The following SEMA5B variants were observed in gnomAD, a reference collection of about 807,000 sequenced individuals.
SEMA5B encodes semaphorin-5B.
Under a neutral mutation model 135.0 loss-of-function variants are expected in SEMA5B, and 66 were observed. That is an observed-to-expected ratio of 0.49 (90% CI 0.40 to 0.60). The LOEUF (loss-of-function observed/expected upper bound fraction) is 0.60. Ranked by LOEUF, SEMA5B falls within the 20% of genes least tolerant of loss-of-function variation. The pLI is 0.00. For synonymous variants in SEMA5B, 690 were observed against 639.5 expected, an observed-to-expected ratio of 1.08 and a Z score of -1.19; for missense variants, 1,501 against 1,566.3, an observed-to-expected ratio of 0.96 and a Z score of 0.70.
chr3:122,913,436 G>T lies in SEMA5B; in HGVS notation c.2281-12C>A. 1 of 1,559,828 alleles carries T rather than the reference G, an allele frequency of 6.4e-7. No homozygotes were observed. Among genetic ancestry groups the T allele is most frequent in the Non-Finnish European group, 8.6e-7 (1 of 1,156,534 alleles). ...CACGTCTTGAACTCCTGCGGGTGGC[G>T]GCAGAGGCAGCTTTAGAACCCCACG... On this transcript the variant is annotated splice_polypyrimidine_tract_variant and intron_variant, in intron 16 of 22. Coordinates refer to ENST00000357599, the MANE Select transcript of SEMA5B (RefSeq NM_001031702.4).
At chr3:122,986,690 C>T (rs1031953462) in intron 1 of SEMA5B, among the ~76,000 whole-genome samples, 4 of 151,914 alleles carry the variant, frequency 2.6e-5, no homozygotes, top group African/African-American at 7.3e-5. Context: ...GAAAGGAACA[C>T]ACACACAGAC....
chr3:123,009,490 T>G (rs1185520032), intron 1 of SEMA5B, among the ~76,000 whole-genome samples: 1 of 152,116 alleles, frequency 6.6e-6, no homozygotes, highest in East Asian at 1.9e-4. Context: ...ATTTAAAGAT[T>G]TACTCCCTCC....
intron 1 of SEMA5B, among the ~76,000 whole-genome samples, chr3:122,979,619 TCCC>T (rs1204372736): frequency 6.6e-6 from 1 of 152,116 alleles, no homozygotes; most frequent in Non-Finnish European, 1.5e-5. Flanking sequence ...AATTGGGATG[TCCC>T]CCCATCACTT....
intron 1 of SEMA5B, among the ~76,000 whole-genome samples, chr3:122,980,465 A>G (rs1941486846): frequency 6.6e-6 from 1 of 151,354 alleles, no homozygotes; most frequent in Admixed American, 6.6e-5. Flanking sequence ...CGTGTCAAAA[A>G]AAAAAAAAAA....
upstream of SEMA5B, chr3:123,027,782 G>C (rs1942839449): frequency 6.6e-6 from 1 of 152,348 alleles, no homozygotes; most frequent in Non-Finnish European, 1.5e-5. Context: ...CGCGGGAGCA[G>C]AAGGAGGGAG....
At chr3:123,018,908 G>T (rs1942617820) in intron 1 of SEMA5B, among the ~76,000 whole-genome samples, 1 of 152,202 alleles carries the variant, frequency 6.6e-6, no homozygotes, top group African/African-American at 2.4e-5. Context: ...AGGCATGCTG[G>T]AATCTTGGCA....
chr3:122,985,704 C>T (rs1281321662), intron 1 of SEMA5B, among the ~76,000 whole-genome samples: 4 of 152,038 alleles, frequency 2.6e-5, no homozygotes, highest in African/African-American at 4.8e-5. Context: ...TGGAATCTTG[C>T]GGGAGGAGGT....
chr3:122,994,024 C>T (rs1941958320), intron 1 of SEMA5B, among the ~76,000 whole-genome samples: 1 of 152,070 alleles, frequency 6.6e-6, no homozygotes, highest in Non-Finnish European at 1.5e-5. Context: ...CATCTCAGAG[C>T]CATATCCTCT....
At chr3:122,970,879 A>T (rs1441019086) in intron 1 of SEMA5B, among the ~76,000 whole-genome samples, 1 of 152,224 alleles carries the variant, frequency 6.6e-6, no homozygotes, top group Non-Finnish European at 1.5e-5. Context: ...CCTCTTTGCA[A>T]AATATACCCT....
intron 2 of SEMA5B, among the ~76,000 whole-genome samples, chr3:122,957,802 C>T (rs1037081454): frequency 3.3e-5 from 5 of 152,180 alleles, no homozygotes; most frequent in African/African-American, 9.7e-5. Context: ...TGCATAAGCC[C>T]ACACCCTGGG....
At chr3:122,999,388 G>A (rs529132232) in intron 1 of SEMA5B, among the ~76,000 whole-genome samples, 4 of 152,128 alleles carry the variant, frequency 2.6e-5, no homozygotes, top group South Asian at 2.1e-4. Context: ...GACCATGCCC[G>A]GCTGATTTGT....
At chr3:122,932,242 GATTTTTTTTT>G (rs1939010444) in intron 5 of SEMA5B, among the ~76,000 whole-genome samples, 2 of 54,664 alleles carry the variant, frequency 3.7e-5, no homozygotes, top group African/African-American at 5.0e-5. Context: ...CTCTCAATAT[GATTTTTTTTT>G]TTTTTTTTTT....
chr3:122,963,623 T>C lies in SEMA5B; in HGVS notation c.-38-2322A>G, dbSNP rs148546592. On this transcript the variant is annotated intron_variant, in intron 1 of 22. Coordinates refer to ENST00000357599, the MANE Select transcript of SEMA5B (RefSeq NM_001031702.4). The stretch of plus-strand genomic sequence containing the variant: ...AGAGGTTAAAAGGCTGTGATATAAG[T>C]GGCTGATTTTGTGTGTCGTTGGGGA... Among the ~76,000 whole-genome samples, 290 of 152,218 alleles carry C rather than the reference T, an allele frequency of 1.9e-3. 1 individual carries two copies. Among genetic ancestry groups the C allele is most frequent in the African/African-American group, 6.7e-3 (278 of 41,528 alleles).
intron 1 of SEMA5B, among the ~76,000 whole-genome samples, chr3:123,023,475 C>A (rs1457120528): frequency 6.6e-6 from 1 of 152,138 alleles, no homozygotes; most frequent in Non-Finnish European, 1.5e-5. Flanking sequence ...CTTGTGCATC[C>A]CCAGAGCTCC....
intron 1 of SEMA5B, chr3:123,027,219 C>A (rs1279735080): frequency 6.6e-6 from 1 of 152,412 alleles, no homozygotes; most frequent in Non-Finnish European, 1.5e-5. Context: ...CCAGTGCAAC[C>A]CGGACCCAAG....
chr3:122,930,198 C>T (rs993748917), intron 5 of SEMA5B, among the ~76,000 whole-genome samples: 3 of 152,208 alleles, frequency 2.0e-5, no homozygotes, highest in Non-Finnish European at 4.4e-5. Flanking sequence ...GCCGGGAGAG[C>T]GAGCAGCAGA....
At chr3:123,009,636 C>G (rs988011652) in intron 1 of SEMA5B, among the ~76,000 whole-genome samples, 1 of 152,216 alleles carries the variant, frequency 6.6e-6, no homozygotes, top group African/African-American at 2.4e-5. Flanking sequence ...GTCCCTTGCT[C>G]CATTTCCAGC....
intron 1 of SEMA5B, among the ~76,000 whole-genome samples, chr3:122,988,480 T>G (rs896923462): frequency 1.3e-5 from 2 of 152,150 alleles, no homozygotes; most frequent in African/African-American, 4.8e-5. Flanking sequence ...AAACTGAGAA[T>G]GAAGCAACCA....
chr3:123,024,100 C>T (rs1363877392), intron 1 of SEMA5B, among the ~76,000 whole-genome samples: 2 of 152,184 alleles, frequency 1.3e-5, no homozygotes, highest in African/African-American at 2.4e-5. Flanking sequence ...TCCATTCTAC[C>T]ACCTCAGTCA....
Sources: allele counts gnomAD v4.1 joint callset (sites outside exome capture counted in the v4.1 genomes callset), GRCh38; gene constraint gnomAD v4.1.1; transcripts MANE v1.5; gene names NCBI Gene and HGNC (gene_info 2026-07-23, HGNC 2026-07-21).